The following EEF2K variants were observed in gnomAD, a reference collection of about 807,000 sequenced individuals.
EEF2K encodes the protein alternative protein EEF2K.
In EEF2K, 70 loss-of-function variants were observed where a neutral mutation model predicts 93.8. The ratio of observed to expected loss-of-function variants is 0.75; its 90% CI spans 0.62 to 0.91. The LOEUF (loss-of-function observed/expected upper bound fraction) is 0.91, where lower values mean the gene tolerates loss of function less well. Among genes scored for constraint, EEF2K ranks in the 40% least tolerant of loss-of-function variants. The pLI, the probability that EEF2K is intolerant of heterozygous loss-of-function variation, is 0.00. For synonymous variants in EEF2K, 376 were observed against 380.8 expected (o/e 0.99, Z 0.15); for missense variants, 935 against 972.9 (o/e 0.96, Z 0.52).
intron 2 of EEF2K, among the ~76,000 whole-genome samples, chr16:22,232,785 G>T (rs1488970749): frequency 1.3e-5 from 2 of 152,150 alleles, no homozygotes; most frequent in African/African-American, 4.8e-5. Flanking sequence ...TCGAAAGCAG[G>T]CTCTGTTGGG....
chr16:22,240,218 C>CT (rs545009956), intron 2 of EEF2K, among the ~76,000 whole-genome samples: 25 of 151,820 alleles, frequency 1.6e-4, no homozygotes, highest in African/African-American at 5.6e-4. Context: ...AGCTTGAAGT[C>CT]TAACAGTGGA....
intron 1 of EEF2K, among the ~76,000 whole-genome samples, chr16:22,213,635 G>A (rs1013148108): frequency 6.6e-6 from 1 of 152,194 alleles, no homozygotes; most frequent in Admixed American, 6.5e-5. Context: ...GGGATCAGAA[G>A]TTCTAAAATC....
At chr16:22,219,216 A>G (rs1247736176) in intron 1 of EEF2K, among the ~76,000 whole-genome samples, 2 of 152,176 alleles carry the variant, frequency 1.3e-5, no homozygotes, top group African/African-American at 2.4e-5. Context: ...GGGAAATCCA[A>G]CATCCTCCAG....
At position 22,251,304 on chromosome 16, in the gene EEF2K, G is replaced by T; in HGVS notation, c.600G>T (p.Arg200=). The T allele has an allele frequency of 6.2e-7, 1 of 1,614,030 alleles. No homozygotes were observed. The highest frequency in any genetic ancestry group is 8.5e-7 in the Non-Finnish European group (1 of 1,179,966). Residue 200 remains arginine (R), a synonymous_variant, in exon 6 of 18, where the codon CGG becomes CGT. Coordinates refer to ENST00000263026, the MANE Select transcript of EEF2K (RefSeq NM_013302.5). ...AGCTCTGGGGGGAGGAGTATAATCG[G>T]CACAAGCCCCCCAAGCAGGTGCGTG... The part of the protein sequence containing the change: ...EAKLWGEEYN[R]HKPPKQVDIM...
chr16:22,249,226 C>T (rs1423761924), intron 4 of EEF2K, among the ~76,000 whole-genome samples: 3 of 150,992 alleles, frequency 2.0e-5, no homozygotes, highest in South Asian at 4.2e-4. Flanking sequence ...CTGCCTTGGC[C>T]GCCCAGAGTG....
intron 1 of EEF2K, among the ~76,000 whole-genome samples, chr16:22,215,981 A>G (rs2046954524): frequency 6.6e-6 from 1 of 152,186 alleles, no homozygotes; most frequent in South Asian, 2.1e-4. Context: ...GCACCTGTGC[A>G]CTGAAGGCAA....
At chr16:22,263,292 A>G in intron 12 of EEF2K, 105 bp downstream of exon 12, 2 of 996,736 alleles carry the variant, frequency 2.0e-6, no homozygotes, top group Middle Eastern at 4.5e-4. Flanking sequence ...GTGGGTCCTG[A>G]GAAGATAACA....
rs752270609 is a variant in EEF2K, at chr16:22,266,717, G to C, written c.1605G>C (p.Glu535Asp). 5.0e-6 allele frequency: 8 copies of C among 1,613,302 alleles called. No individual in the cohort carries two copies. In the East Asian group the frequency reaches 1.6e-4, roughly 31 times the overall value. ...ATCTGGCCATGGTGCGCTACCACGA[G>C]GGTGGGCGCTTCTGCGAGAAGGGCG... ...KVHLAMVRYH[E>D]GGRFCEKGEE... The change falls in exon 15 of 18, where the codon GAG becomes GAC. Residue 535 changes from glutamate to aspartate, a missense_variant. Physicochemically the swap from Glu to Asp is conservative, Grantham distance 45. Transcript: ENST00000263026.
intron 16 of EEF2K, among the ~76,000 whole-genome samples, chr16:22,275,924 G>A (rs2047629810): frequency 6.6e-6 from 1 of 151,756 alleles, no homozygotes. Context: ...TTACAGATGT[G>A]AGCCACCATG....
chr16:22,222,203 CT>C (rs1047601715), intron 1 of EEF2K, among the ~76,000 whole-genome samples: 1 of 151,686 alleles, frequency 6.6e-6, no homozygotes, highest in Non-Finnish European at 1.5e-5. Flanking sequence ...CTTTTCTTTT[CT>C]TTTTTTGGAG....
chr16:22,270,344 C>T (rs866744018), intron 15 of EEF2K, among the ~76,000 whole-genome samples: 4 of 151,778 alleles, frequency 2.6e-5, no homozygotes, highest in Non-Finnish European at 5.9e-5. Context: ...AGGCTGGTCT[C>T]GAACTCCTGA....
intron 1 of EEF2K, among the ~76,000 whole-genome samples, chr16:22,214,811 T>C (rs1225026958): frequency 1.3e-5 from 2 of 152,092 alleles, no homozygotes; most frequent in East Asian, 3.8e-4. Context: ...TGGTGGAGGG[T>C]GTCCAGGTTC....
chr16:22,261,153 A>T (rs2047458362), intron 11 of EEF2K, among the ~76,000 whole-genome samples: 1 of 152,134 alleles, frequency 6.6e-6, no homozygotes, highest in South Asian at 2.1e-4. Flanking sequence ...TGGGCAGATC[A>T]CTTGAGCCCA....
intron 2 of EEF2K, among the ~76,000 whole-genome samples, chr16:22,239,721 G>A (rs544978341): frequency 4.8e-4 from 73 of 152,308 alleles, no homozygotes; most frequent in African/African-American, 1.7e-3. Flanking sequence ...TGAAGCAGGA[G>A]GATCACTTGA....
Position 22,265,606 on chromosome 16 carries a change from G to A in EEF2K, c.1440+726G>A, listed in dbSNP as rs964355517. Among the ~76,000 whole-genome samples, 3 of 152,288 alleles carry A rather than the reference G, an allele frequency of 2.0e-5. No individual in the cohort carries two copies. In the East Asian group the frequency reaches 5.8e-4, roughly 29 times the overall value. ...AGCCAGATTAGGATCTTCTCAGTTA[G>A]GTATGGAACAGGGTTGCTCAAGCAA... On this transcript the variant is annotated intron_variant, in intron 13 of 17. Transcript: ENST00000263026.
At chr16:22,213,944 C>T (rs1481996701) in intron 1 of EEF2K, among the ~76,000 whole-genome samples, 1 of 152,188 alleles carries the variant, frequency 6.6e-6, no homozygotes, top group South Asian at 2.1e-4. Flanking sequence ...TCCCTTTTGC[C>T]ATATAAGGTA....
intron 17 of EEF2K, among the ~76,000 whole-genome samples, chr16:22,283,443 G>C (rs2047717780): frequency 6.6e-6 from 1 of 151,940 alleles, no homozygotes; most frequent in African/African-American, 2.4e-5. Flanking sequence ...GGTAAAACCT[G>C]ACCTAGCTGA....
chr16:22,268,914 G>A (rs546319216), intron 15 of EEF2K, among the ~76,000 whole-genome samples: 10 of 151,366 alleles, frequency 6.6e-5, no homozygotes, highest in Non-Finnish European at 1.2e-4. Flanking sequence ...CAGAGATCAC[G>A]CCACTGCACT....
At chr16:22,235,556 G>C (rs1207041851) in intron 2 of EEF2K, among the ~76,000 whole-genome samples, 1 of 152,062 alleles carries the variant, frequency 6.6e-6, no homozygotes, top group Non-Finnish European at 1.5e-5. Flanking sequence ...GGAGTGCAAT[G>C]GCACGATCTC....
Sources: gnomAD v4.1 joint callset for allele counts (sites outside exome capture counted in the v4.1 genomes callset) on GRCh38, gnomAD v4.1.1 for gene constraint, MANE v1.5 for transcripts, NCBI Gene and HGNC (gene_info 2026-07-23, HGNC 2026-07-21) for gene names.